Variants in TRAF3IP1 observed in about 807,000 individuals in gnomAD.
The protein encoded by TRAF3IP1 is intraflagellar transport 54.
TRAF3IP1 carries 53 observed loss-of-function variants against 89.9 expected under a neutral mutation model. The ratio of observed to expected loss-of-function variants is 0.59; its 90% CI spans 0.47 to 0.74. TRAF3IP1 has a LOEUF of 0.74. TRAF3IP1 is among the 30% of genes least tolerant of loss of function. TRAF3IP1 has a pLI of 0.00. For synonymous variants in TRAF3IP1, 311 were observed against 322.1 expected (o/e 0.97, Z 0.37); for missense variants, 806 against 866.1 (o/e 0.93, Z 0.87).
At chr2:238,357,293 A>C (rs1347499784) in intron 15 of TRAF3IP1, among the ~76,000 whole-genome samples, 1 of 152,180 alleles carries the variant, frequency 6.6e-6, no homozygotes, top group Non-Finnish European at 1.5e-5. Context: ...AGTCACTTTA[A>C]AGAGGAAGAA....
At chr2:238,330,702 G>A (rs1698077580) in intron 5 of TRAF3IP1, among the ~76,000 whole-genome samples, 1 of 152,218 alleles carries the variant, frequency 6.6e-6, no homozygotes, top group African/African-American at 2.4e-5. Flanking sequence ...TTTCCTGTGG[G>A]GGTCAGTATA....
intron 6 of TRAF3IP1, among the ~76,000 whole-genome samples, 179 bp downstream of exon 6, chr2:238,333,074 A>G (rs1574900678): frequency 1.3e-5 from 2 of 152,302 alleles, no homozygotes; most frequent in East Asian, 3.9e-4. Flanking sequence ...ACCTCCTGGT[A>G]AAATAGATGG....
At chr2:238,336,082 G>C (rs887895410) in intron 7 of TRAF3IP1, among the ~76,000 whole-genome samples, 2 of 152,080 alleles carry the variant, frequency 1.3e-5, no homozygotes, top group Non-Finnish European at 2.9e-5. Context: ...GTAAGCCACT[G>C]TGCCTGGCCT....
Position 238,325,286 on chromosome 2 carries a change from C to T in TRAF3IP1, c.124-20C>T. The T allele has an allele frequency of 3.1e-6, 5 of 1,613,692 alleles. No homozygotes were observed. The highest frequency in any genetic ancestry group is 4.2e-6 in the Non-Finnish European group (5 of 1,179,620). On this transcript the variant is annotated intron_variant, in intron 1 of 16. Coordinates refer to ENST00000373327, the MANE Select transcript of TRAF3IP1 (RefSeq NM_015650.4). ...GGCTGTCTGTGAGGTGACATGGTGG[C>T]CTTTCTTTCTCTCTTGAAGGTGATT...
Position 238,353,905 on chromosome 2 carries a change from C to T in TRAF3IP1, c.1612+696C>T, listed in dbSNP as rs184521719. ...TCTCGTGCCTCAGCCTCACAAGTAG[C>T]TGGGACTACAGGCGTGCACCACTAT... On this transcript the variant is annotated intron_variant, in intron 14 of 16. Transcript: ENST00000373327. 2.4e-3 allele frequency among the ~76,000 whole-genome samples: 361 copies of T among 152,324 alleles called. 1 individual carries two copies. The highest frequency in any genetic ancestry group is 3.6e-3 in the Non-Finnish European group (248 of 68,030).
Position 238,334,043 on chromosome 2 carries a change from A to C in TRAF3IP1, c.1063+8A>C, listed in dbSNP as rs772329637. ...CCAAAAATTCAGTGGAAGGTACTGC[A>C]AAACTTATATATGTAGCTGAAAATA... On this transcript the variant is annotated splice_region_variant and intron_variant, in intron 7 of 16. Transcript: ENST00000373327. 6.2e-7 allele frequency: 1 copy of C among 1,605,452 alleles called. No homozygotes were observed. The highest frequency in any genetic ancestry group is 8.5e-7 in the Non-Finnish European group (1 of 1,174,852).
chr2:238,367,690 C>T (rs892011468), intron 15 of TRAF3IP1, among the ~76,000 whole-genome samples: 1 of 152,150 alleles, frequency 6.6e-6, no homozygotes, highest in African/African-American at 2.4e-5. Flanking sequence ...CGCATGGCCT[C>T]CTGCACCTGC....
intron 3 of TRAF3IP1, among the ~76,000 whole-genome samples, chr2:238,327,450 G>A (rs918533162): frequency 3.3e-5 from 5 of 152,212 alleles, no homozygotes; most frequent in African/African-American, 7.2e-5. Flanking sequence ...GAATGAGTGC[G>A]TGAGTCAGTG....
chr2:238,353,845 C>T (rs568005918), intron 14 of TRAF3IP1, among the ~76,000 whole-genome samples: 50 of 152,280 alleles, frequency 3.3e-4, no homozygotes, highest in African/African-American at 1.2e-3. Flanking sequence ...GCTATCTCAA[C>T]TTACTGCAAC....
At chr2:238,353,717 G>C (rs1699280149) in intron 14 of TRAF3IP1, among the ~76,000 whole-genome samples, 1 of 152,116 alleles carries the variant, frequency 6.6e-6, no homozygotes, top group Non-Finnish European at 1.5e-5. Flanking sequence ...TATCACAGGT[G>C]AGTAACGAGG....
chr2:238,353,190 A>G lies in TRAF3IP1; in HGVS notation c.1593A>G (p.Leu531=). Residue 531 remains leucine (L), a synonymous_variant, in exon 14 of 17, where the codon CTA becomes CTG. Transcript: ENST00000373327. ...SEIEMVTAVE[L]EEEEKHGGLV... ...CTGCTCAGGTAACAGCAGTGGAACT[A>G]GAAGAAGAGGAGAAGCATGGTGAGT... The G allele has an allele frequency of 6.2e-7, 1 of 1,614,156 alleles. No individual in the cohort carries two copies. The highest frequency in any genetic ancestry group is 8.5e-7 in the Non-Finnish European group (1 of 1,180,018).
intron 7 of TRAF3IP1, 45 bp downstream of exon 7, chr2:238,334,080 T>G: frequency 7.2e-6 from 10 of 1,379,968 alleles, no homozygotes; most frequent in Non-Finnish European, 1.0e-5. Flanking sequence ...GGATATTAGT[T>G]TTTTTTTTTT....
At chr2:238,374,475 C>G (rs1700234201) in intron 15 of TRAF3IP1, among the ~76,000 whole-genome samples, 2 of 152,146 alleles carry the variant, frequency 1.3e-5, no homozygotes, top group Admixed American at 1.3e-4. Flanking sequence ...AGGGATGAAG[C>G]CAACTTGACC....
rs1421537563 is a variant in TRAF3IP1, at chr2:238,351,866, T to TGTGTGCGCGC, written c.1452-960_1452-959insTGTGCGCGCG. ...GTGTGTGTGTGTGTGTGTGTGTGTG[T>TGTGTGCGCGC]GCGCGCGCGCGCGTGTGCGTGCATG... On this transcript the variant is annotated intron_variant, in intron 12 of 16. Transcript: ENST00000373327. The surrounding 1 kb of genome is among the most constrained non-coding windows in gnomAD (Gnocchi z 5.2). Among the ~76,000 whole-genome samples the TGTGTGCGCGC allele has an allele frequency of 3.1e-5, 4 of 128,194 alleles. No homozygotes were observed. The highest frequency in any genetic ancestry group is 6.4e-5 in the Non-Finnish European group (4 of 62,258). The allele number at this position is 128,194 out of a possible 152,430, so 84.1% of individuals were successfully genotyped here.
At chr2:238,384,272 T>C (rs1574968877) in intron 15 of TRAF3IP1, among the ~76,000 whole-genome samples, 1 of 152,244 alleles carries the variant, frequency 6.6e-6, no homozygotes, top group Non-Finnish European at 1.5e-5. Flanking sequence ...CTCTGATCTT[T>C]TGTTCTGTTT....
chr2:238,399,045 C>T lies in TRAF3IP1; in HGVS notation c.*126C>T. 1.2e-6 allele frequency: 1 copy of T among 862,276 alleles called. No homozygotes were observed. Among genetic ancestry groups the T allele is most frequent in the Non-Finnish European group, 1.7e-6 (1 of 588,268 alleles). 53.4% of individuals were successfully genotyped at this position (862,276 alleles called of 1,614,324 possible). Reference sequence around the variant, plus strand: ...AACAGTTTACAATGTTATTATCCAGCTAATTTTCAGAGCTTTAAAACTGTA... The same window carrying T: ...AACAGTTTACAATGTTATTATCCAGTTAATTTTCAGAGCTTTAAAACTGTA... On this transcript the variant is annotated 3_prime_UTR_variant, in exon 17 of 17. Coordinates refer to ENST00000373327, the MANE Select transcript of TRAF3IP1 (RefSeq NM_015650.4).
At chr2:238,370,202 T>C (rs1296364397) in intron 15 of TRAF3IP1, among the ~76,000 whole-genome samples, 5 of 152,148 alleles carry the variant, frequency 3.3e-5, no homozygotes, top group African/African-American at 9.7e-5. Context: ...TATGTATGTG[T>C]GTATATATGT....
chr2:238,320,527 G>A lies in TRAF3IP1; in HGVS notation c.-136G>A, dbSNP rs1393561762. 7.0e-6 allele frequency: 7 copies of A among 1,005,308 alleles called. No individual in the cohort carries two copies. The highest frequency in any genetic ancestry group is 8.3e-6 in the Non-Finnish European group (7 of 840,134). 62.3% of individuals were successfully genotyped at this position (1,005,308 alleles called of 1,614,324 possible). On this transcript the variant is annotated 5_prime_UTR_variant, in exon 1 of 17. Transcript: ENST00000373327. Reference sequence around the variant, plus strand: ...TGTGGTGGGCTCCGGTGCACTGTGGGATGGAAACCGGAGCGGCGCGTCCTG... The same window carrying A: ...TGTGGTGGGCTCCGGTGCACTGTGGAATGGAAACCGGAGCGGCGCGTCCTG...
Position 238,333,965 on chromosome 2 carries a change from G to C in TRAF3IP1, c.993G>C (p.Glu331Asp), listed in dbSNP as rs2106371021. The C allele has an allele frequency of 6.2e-7, 1 of 1,607,260 alleles. No individual in the cohort carries two copies. Among genetic ancestry groups the C allele is most frequent in the Middle Eastern group, 1.7e-4 (1 of 6,056 alleles). Residue 331 changes from glutamate (E) to aspartate (D), a missense_variant, in exon 7 of 17, where the codon GAG becomes GAC. Coordinates refer to ENST00000373327, the MANE Select transcript of TRAF3IP1 (RefSeq NM_015650.4). ...FKDSKAETET[E>D]ISTRASKSLT... Reference sequence around the variant, plus strand: ...TTCATTCTTTTTTCTTTAAGACTGAGATTTCCACTAGAGCTTCCAAGTCAT... The same window carrying C: ...TTCATTCTTTTTTCTTTAAGACTGACATTTCCACTAGAGCTTCCAAGTCAT...
Sources: allele counts gnomAD v4.1 joint callset (sites outside exome capture counted in the v4.1 genomes callset), GRCh38; gene constraint gnomAD v4.1.1; non-coding constraint Gnocchi (gnomAD v3.1); transcripts MANE v1.5; gene names NCBI Gene and HGNC (gene_info 2026-07-23, HGNC 2026-07-21).